Variants in SYT1 observed in about 807,000 individuals in gnomAD.
The protein encoded by SYT1 is synaptotagmin 1.
A neutral mutation model predicts 44.8 loss-of-function variants in SYT1; 8 were observed. The observed-to-expected ratio is 0.18, with a 90% CI of 0.10 to 0.32. SYT1 has a LOEUF of 0.32. SYT1 is among the 10% of genes least tolerant of loss of function. SYT1 has a pLI of 1.00. For missense variants in SYT1, 286 were observed against 509.3 expected (o/e 0.56, Z 4.22); for synonymous variants, 154 against 188.8 (o/e 0.82, Z 1.51).
At chr12:79,179,367 G>GATATATCTATATCGATAT (rs1565841992) in intron 3 of SYT1, among the ~76,000 whole-genome samples, 1 of 2,180 alleles carries the variant, frequency 4.6e-4, no homozygotes, top group Non-Finnish European at 1.3e-3. Context: ...TATAGATATA[G>GATATATCTATATCGATAT]ATATAGATAT....
chr12:78,918,288 A>C (rs1391210473), intron 1 of SYT1, among the ~76,000 whole-genome samples: 1 of 152,068 alleles, frequency 6.6e-6, no homozygotes, highest in East Asian at 1.9e-4. Context: ...TTGATGTGAA[A>C]ACAGCCTTTC....
intron 1 of SYT1, among the ~76,000 whole-genome samples, chr12:78,927,263 G>T (rs568699196): frequency 6.6e-6 from 1 of 151,980 alleles, no homozygotes; most frequent in Non-Finnish European, 1.5e-5. Flanking sequence ...GATGCTGGAG[G>T]GGGAAGTGAA....
At chr12:79,076,996 A>T (rs1414194790) in intron 3 of SYT1, among the ~76,000 whole-genome samples, 2 of 152,058 alleles carry the variant, frequency 1.3e-5, no homozygotes, top group Non-Finnish European at 2.9e-5. Flanking sequence ...CACTTGCTGG[A>T]TCTACTGTGT....
At chr12:79,146,037 G>A (rs7964014) in intron 3 of SYT1, among the ~76,000 whole-genome samples, 3 of 152,132 alleles carry the variant, frequency 2.0e-5, no homozygotes, top group African/African-American at 7.2e-5. Context: ...GATTACAGGC[G>A]TGAGCCACCG....
Position 79,349,021 on chromosome 12 carries a change from AAGAAAGAAAGAAAAAG to A in SYT1, c.811-4479_811-4464del, listed in dbSNP as rs760461173. On this transcript the variant is annotated intron_variant, in intron 8 of 10. Transcript: ENST00000261205. ...AAGGAAAGAAAGAAAGAAAGAAAGAAAGAAAGAAAGAAAAAGAAAGAAAGAAAGAAAGAAAGGAGGG... is the reference window on the plus strand; with the variant it reads ...AAGGAAAGAAAGAAAGAAAGAAAGAAAAAGAAAGAAAGAAAGAAAGGAGGG... Among the ~76,000 whole-genome samples, 581 of 137,252 alleles carry A rather than the reference AAGAAAGAAAGAAAAAG, an allele frequency of 4.2e-3. 2 individuals carry two copies. Among genetic ancestry groups the A allele is most frequent in the Middle Eastern group, 7.2e-3 (2 of 276 alleles). 90.0% of individuals were successfully genotyped at this position (137,252 alleles called of 152,430 possible). A position where few individuals can be genotyped will look rare whatever the true frequency, so the allele number is the denominator to read the frequency against.
intron 9 of SYT1, among the ~76,000 whole-genome samples, chr12:79,426,222 G>A (rs1021124145): frequency 2.6e-5 from 4 of 152,216 alleles, no homozygotes; most frequent in Non-Finnish European, 4.4e-5. Context: ...CTCTTGAATG[G>A]ATTTGGAAGG....
chr12:79,349,310 G>A (rs1882786750), intron 8 of SYT1, among the ~76,000 whole-genome samples: 1 of 152,196 alleles, frequency 6.6e-6, no homozygotes, highest in Non-Finnish European at 1.5e-5. Flanking sequence ...AGGAAATGGA[G>A]ATGAGTTAGT....
chr12:79,050,534 G>A (rs934232764), intron 3 of SYT1, among the ~76,000 whole-genome samples: 9 of 152,004 alleles, frequency 5.9e-5, no homozygotes, highest in Admixed American at 3.3e-4. Context: ...TAAAGAGGGT[G>A]TGTTTAAAAA....
At chr12:79,131,949 T>C (rs141738538) in intron 3 of SYT1, among the ~76,000 whole-genome samples, 1 of 152,260 alleles carries the variant, frequency 6.6e-6, no homozygotes, top group East Asian at 1.9e-4. Context: ...TTAGTTGAAG[T>C]TTTTTATTCC....
intron 8 of SYT1, among the ~76,000 whole-genome samples, chr12:79,312,712 C>T (rs572373853): frequency 1.3e-5 from 2 of 148,940 alleles, no homozygotes; most frequent in Admixed American, 6.7e-5. Flanking sequence ...TTCTTCAGAG[C>T]TGCTTCTTAT....
intron 3 of SYT1, among the ~76,000 whole-genome samples, chr12:79,109,966 A>G (rs1878924248): frequency 6.6e-6 from 1 of 152,246 alleles, no homozygotes; most frequent in African/African-American, 2.4e-5. Flanking sequence ...TATGAGAGAA[A>G]ATAAATTAGT....
At chr12:79,261,210 A>G (rs1877812239) in intron 4 of SYT1, among the ~76,000 whole-genome samples, 1 of 152,230 alleles carries the variant, frequency 6.6e-6, no homozygotes, top group South Asian at 2.1e-4. Flanking sequence ...GCCAGGCAAG[A>G]AAAACAAAAC....
intron 1 of SYT1, among the ~76,000 whole-genome samples, chr12:78,867,894 A>G (rs1431110931): frequency 2.0e-5 from 3 of 151,972 alleles, no homozygotes; most frequent in Admixed American, 6.6e-5. Context: ...TATATGCAAG[A>G]TGAGCTGGAA....
chr12:79,398,549 T>C (rs556267729), intron 9 of SYT1, among the ~76,000 whole-genome samples: 8 of 152,256 alleles, frequency 5.3e-5, no homozygotes, highest in African/African-American at 1.9e-4. Context: ...CAGAATATGG[T>C]CCTTATATGG....
rs1880746127 is a variant in SYT1, at chr12:79,310,854, T to G, written c.810+11303T>G. 2.0e-5 allele frequency among the ~76,000 whole-genome samples: 3 copies of G among 152,314 alleles called. No individual in the cohort carries two copies. The South Asian group carries it at 6.2e-4, about 32-fold the overall frequency. On this transcript the variant is annotated intron_variant, in intron 8 of 10. Coordinates refer to ENST00000261205, the MANE Select transcript of SYT1 (RefSeq NM_005639.3). ...TGTATAAGAATGCTTGTGATTTTTG[T>G]ACATTGATTTTGTATCCTGAGACTT...
chr12:79,263,157 C>T (rs896832738), intron 4 of SYT1, among the ~76,000 whole-genome samples: 1 of 152,086 alleles, frequency 6.6e-6, no homozygotes, highest in Non-Finnish European at 1.5e-5. Flanking sequence ...AATTAGTCAC[C>T]ACTTACAAGT....
chr12:79,293,783 T>A (rs1333414330), intron 6 of SYT1, among the ~76,000 whole-genome samples: 2 of 152,224 alleles, frequency 1.3e-5, no homozygotes. Flanking sequence ...AATTTTTTGA[T>A]CAGCTTCATT....
At chr12:79,056,923 G>C (rs139456477) in intron 3 of SYT1, among the ~76,000 whole-genome samples, 50 of 151,766 alleles carry the variant, frequency 3.3e-4, no homozygotes, top group African/African-American at 1.2e-3. Context: ...AAGTGGTTTT[G>C]TTGTTTGAGT....
chr12:79,425,236 A>G (rs1486603935), intron 9 of SYT1, among the ~76,000 whole-genome samples: 1 of 151,638 alleles, frequency 6.6e-6, no homozygotes, highest in Non-Finnish European at 1.5e-5. Context: ...GAATGTTCAT[A>G]TTTTCTGCTG....
Sources: allele counts gnomAD v4.1 joint callset (sites outside exome capture counted in the v4.1 genomes callset), GRCh38; gene constraint gnomAD v4.1.1; transcripts MANE v1.5; gene names NCBI Gene and HGNC (gene_info 2026-07-23, HGNC 2026-07-21).